Variants in GALNT18 observed in about 807,000 individuals in gnomAD.
GALNT18 encodes GalNAc-transferase 18.
GALNT18 carries 44 observed loss-of-function variants against 69.5 expected under a neutral mutation model. The ratio of observed to expected loss-of-function variants is 0.63; its 90% confidence interval spans 0.50 to 0.81. The LOEUF is 0.81. GALNT18 is among the 40% of genes least tolerant of loss of function. GALNT18 has a pLI of 0.00. For synonymous variants in GALNT18, 364 were observed against 318.2 expected (o/e 1.14, Z -1.53); for missense variants, 715 against 810.0 (o/e 0.88, Z 1.42).
intron 1 of GALNT18, among the ~76,000 whole-genome samples, chr11:11,597,219 C>A (rs1156570207): frequency 6.6e-6 from 1 of 152,132 alleles, no homozygotes; most frequent in Non-Finnish European, 1.5e-5. Flanking sequence ...ATTCTTGTTT[C>A]TATATTCATA....
intron 3 of GALNT18, among the ~76,000 whole-genome samples, chr11:11,392,017 C>T (rs555377540): frequency 3.3e-5 from 5 of 152,352 alleles, no homozygotes; most frequent in East Asian, 3.9e-4. Context: ...CTTGGCTCAA[C>T]GCTTTCTAAT....
At position 11,352,234 on chromosome 11, in the gene GALNT18, C is replaced by T. The variant is rs760161199; in HGVS notation, c.1093-11230G>A. 9 of 1,613,912 alleles carry T rather than the reference C, an allele frequency of 5.6e-6. No homozygotes were observed. In the Admixed American group the frequency reaches 1.5e-4, roughly 27 times the overall value. On this transcript the variant is annotated intron_variant, in intron 6 of 10. Coordinates refer to ENST00000227756, the MANE Select transcript of GALNT18 (RefSeq NM_198516.3). ...AGTTTGTCCAGGAAATCCAAGGCCT[C>T]AGGGCTGACAAGGTGCTGATTTTCA...
chr11:11,325,959 G>T (rs115588615), intron 9 of GALNT18, among the ~76,000 whole-genome samples: 3 of 151,534 alleles, frequency 2.0e-5, no homozygotes, highest in Admixed American at 1.3e-4. Flanking sequence ...TCCTTCAGTT[G>T]TGTGTTTCGG....
chr11:11,317,137 A>G (rs1286982066), intron 9 of GALNT18, among the ~76,000 whole-genome samples: 1 of 126,000 alleles, frequency 7.9e-6, no homozygotes, highest in Non-Finnish European at 1.7e-5. Flanking sequence ...ATGTTTATGC[A>G]TTAATCAATT....
chr11:11,272,850 C>G (rs1328843240), intron 10 of GALNT18, among the ~76,000 whole-genome samples: 1 of 152,110 alleles, frequency 6.6e-6, no homozygotes, highest in African/African-American at 2.4e-5. Context: ...AGGTGGCAAA[C>G]TTCTTGAAGG....
intron 1 of GALNT18, among the ~76,000 whole-genome samples, chr11:11,577,549 G>A (rs1266753829): frequency 6.6e-6 from 1 of 152,176 alleles, no homozygotes; most frequent in Non-Finnish European, 1.5e-5. Context: ...ACTGGTGAGG[G>A]CCTGCATCCA....
At chr11:11,611,607 C>T (rs1364059637) in intron 1 of GALNT18, among the ~76,000 whole-genome samples, 2 of 152,140 alleles carry the variant, frequency 1.3e-5, no homozygotes, top group South Asian at 2.1e-4. Flanking sequence ...CTTCCCTGGA[C>T]CTGGGACTTT....
chr11:11,326,917 T>C (rs1849931425), intron 9 of GALNT18, among the ~76,000 whole-genome samples, 169 bp downstream of exon 9: 1 of 152,204 alleles, frequency 6.6e-6, no homozygotes, highest in Non-Finnish European at 1.5e-5. Flanking sequence ...TGACCCATCC[T>C]CTTCAGCTCA....
In GALNT18 at chr11:11,465,861, C is replaced by A. The variant is rs1564963267; in HGVS notation, c.236-16925G>T. ...GCTTGCACTGTCATACTGCTGAGTA[C>A]TTCTGCCTTCTTCCCTGGCCTCACT... On this transcript the variant is annotated intron_variant, in intron 1 of 10. Transcript: ENST00000227756. This position sits in a 1 kb window ranked among gnomAD's most constrained non-coding sequence, Gnocchi z 5.7. 1.3e-5 allele frequency among the ~76,000 whole-genome samples: 2 copies of A among 152,146 alleles called. No individual in the cohort carries two copies. Among genetic ancestry groups the A allele is most frequent in the Non-Finnish European group, 2.9e-5 (2 of 68,030 alleles).
intron 10 of GALNT18, among the ~76,000 whole-genome samples, chr11:11,289,428 TGTGCCACAG>T (rs1431461653): frequency 2.0e-5 from 3 of 152,216 alleles, no homozygotes; most frequent in Admixed American, 6.5e-5. Flanking sequence ...CGAAGAGCCT[TGTGCCACAG>T]ATGCCTGCTT....
intron 1 of GALNT18, among the ~76,000 whole-genome samples, chr11:11,553,117 C>G (rs181451218): frequency 6.6e-6 from 1 of 152,206 alleles, no homozygotes; most frequent in African/African-American, 2.4e-5. Context: ...AAATGATATA[C>G]CCACTGAAGC....
At chr11:11,300,406 G>A (rs1236634733) in intron 9 of GALNT18, among the ~76,000 whole-genome samples, 1 of 152,160 alleles carries the variant, frequency 6.6e-6, no homozygotes, top group East Asian at 1.9e-4. Context: ...CCATCATAAG[G>A]GAGAAAACAA....
rs1465219054 is a variant in GALNT18 at position 11,309,333 on chromosome 11, A to G, written c.1513-16140T>C. Among the ~76,000 whole-genome samples, 2 of 152,008 alleles carry G rather than the reference A, an allele frequency of 1.3e-5. No individual in the cohort carries two copies. The highest frequency in any genetic ancestry group is 4.8e-5 in the African/African-American group (2 of 41,354). On this transcript the variant is annotated intron_variant, in intron 9 of 10. Transcript: ENST00000227756. The surrounding 1 kb of genome is among the most constrained non-coding windows in gnomAD (Gnocchi z 4.6). Reference sequence around the variant, plus strand: ...AGGTTATAGCAACACAAAATGACACACCTATTAATCTTGATTACCCACTCT... The same window carrying G: ...AGGTTATAGCAACACAAAATGACACGCCTATTAATCTTGATTACCCACTCT...
intron 3 of GALNT18, among the ~76,000 whole-genome samples, chr11:11,391,073 G>A (rs905977956): frequency 3.5e-4 from 54 of 152,158 alleles, no homozygotes; most frequent in African/African-American, 1.2e-3. Context: ...CTGGGTGCAA[G>A]CTTTCACCCT....
At chr11:11,547,953 G>C (rs1858100654) in intron 1 of GALNT18, among the ~76,000 whole-genome samples, 1 of 152,082 alleles carries the variant, frequency 6.6e-6, no homozygotes, top group South Asian at 2.1e-4. Context: ...CCCTCCGCCT[G>C]AAACTCCCAA....
chr11:11,548,543 G>A (rs770653422), intron 1 of GALNT18, among the ~76,000 whole-genome samples: 4 of 152,144 alleles, frequency 2.6e-5, no homozygotes, highest in Non-Finnish European at 5.9e-5. Context: ...ACCTCCTGGG[G>A]TTCCTGAGCC....
chr11:11,285,192 T>C (rs935986219), intron 10 of GALNT18, among the ~76,000 whole-genome samples: 3 of 152,126 alleles, frequency 2.0e-5, no homozygotes, highest in Non-Finnish European at 4.4e-5. Context: ...AGCGATCCAC[T>C]GGTTTTCCAG....
chr11:11,301,416 C>T lies in GALNT18; in HGVS notation c.1513-8223G>A, dbSNP rs987393475. Among the ~76,000 whole-genome samples the T allele has an allele frequency of 3.3e-5, 5 of 152,134 alleles. No individual in the cohort carries two copies. The South Asian group carries it at 6.2e-4, about 19-fold the overall frequency. On this transcript the variant is annotated intron_variant, in intron 9 of 10. Coordinates refer to ENST00000227756, the MANE Select transcript of GALNT18 (RefSeq NM_198516.3). ...TCATTAACCCCTTGACACAGAAGTTCGCTACAGTGCTGAGGGCCACAGTGC... is the reference window on the plus strand; with the variant it reads ...TCATTAACCCCTTGACACAGAAGTTTGCTACAGTGCTGAGGGCCACAGTGC...
rs886336486 is a variant in GALNT18 at position 11,497,427 on chromosome 11, CTT to C, written c.236-48493_236-48492del. ...ACTTTATGGGTCTTATGGAGCAAGA[CTT>C]TATGGGTCCCTGCTCTTATGCAGGG... is the stretch of plus-strand genomic sequence containing the variant. On this transcript the variant is annotated intron_variant, in intron 1 of 10. Coordinates refer to ENST00000227756, the MANE Select transcript of GALNT18 (RefSeq NM_198516.3). This position sits in a 1 kb window ranked among gnomAD's most constrained non-coding sequence, Gnocchi z 4.2. 6.8e-6 allele frequency among the ~76,000 whole-genome samples: 1 copy of C among 146,526 alleles called. No individual in the cohort carries two copies. The highest frequency in any genetic ancestry group is 1.5e-5 in the Non-Finnish European group (1 of 67,070).
Sources: gnomAD v4.1 joint callset for allele counts (sites outside exome capture counted in the v4.1 genomes callset) on GRCh38, gnomAD v4.1.1 for gene constraint, Gnocchi (gnomAD v3.1) non-coding constraint, MANE v1.5 for transcripts, NCBI Gene and HGNC (gene_info 2026-07-23, HGNC 2026-07-21) for gene names.